Variants in IREB2 observed in about 807,000 individuals in gnomAD.
IREB2 encodes the protein iron responsive element binding protein 2, also known as iron-responsive element-binding protein 2.
A neutral mutation model predicts 118.8 loss-of-function variants in IREB2; 39 were observed. The observed-to-expected ratio is 0.33, with a 90% CI of 0.25 to 0.43. The LOEUF (loss-of-function observed/expected upper bound fraction) is 0.43, where lower values mean the gene tolerates loss of function less well. Among genes scored for constraint, IREB2 ranks in the 20% least tolerant of loss-of-function variants. The pLI is 1.00. For missense variants in IREB2, 900 were observed against 1,147.3 expected, an observed-to-expected ratio of 0.78 and a Z score of 3.11; for synonymous variants, 372 against 392.2, an observed-to-expected ratio of 0.95 and a Z score of 0.61.
rs186034439 is a variant in IREB2, at chr15:78,441,101, G to T, written c.106+1220G>T. ...TTATTTAATTAAGACGATTGTTCTTGTGATTTTTCTGTAGATTTTGAGGAA... is the reference window on the plus strand; with the variant it reads ...TTATTTAATTAAGACGATTGTTCTTTTGATTTTTCTGTAGATTTTGAGGAA... On this transcript the variant is annotated intron_variant, in intron 2 of 21. Coordinates refer to ENST00000258886, the MANE Select transcript of IREB2 (RefSeq NM_004136.4). Among the ~76,000 whole-genome samples, 228 of 152,266 alleles carry T rather than the reference G, an allele frequency of 1.5e-3. 1 individual carries two copies. Among genetic ancestry groups the T allele is most frequent in the African/African-American group, 5.2e-3 (218 of 41,550 alleles).
intron 16 of IREB2, among the ~76,000 whole-genome samples, chr15:78,489,570 G>A (rs1486137150): frequency 1.3e-5 from 2 of 152,134 alleles, no homozygotes; most frequent in Admixed American, 1.3e-4. Context: ...AGGCTGGAGT[G>A]CAGTGGCCTG....
At chr15:78,468,706 C>G (rs1054099935) in intron 5 of IREB2, among the ~76,000 whole-genome samples, 1 of 152,144 alleles carries the variant, frequency 6.6e-6, no homozygotes, top group Non-Finnish European at 1.5e-5. Flanking sequence ...CAAATTCTGT[C>G]TAGTTCTAAA....
chr15:78,447,557 C>T (rs2050951560), intron 2 of IREB2, among the ~76,000 whole-genome samples: 1 of 152,114 alleles, frequency 6.6e-6, no homozygotes, highest in Non-Finnish European at 1.5e-5. Context: ...TCTCAAACTC[C>T]TGACCTCAGA....
intron 5 of IREB2, among the ~76,000 whole-genome samples, chr15:78,469,294 A>G (rs1249678147): frequency 1.3e-5 from 2 of 152,204 alleles, no homozygotes; most frequent in Non-Finnish European, 2.9e-5. Context: ...CATAAGTGCT[A>G]TTGAAAGGTA....
rs775724355 is a variant in IREB2, at chr15:78,498,039, A to G, written c.2788A>G (p.Thr930Ala). The change falls in exon 22 of 22, where the codon ACT becomes GCT. Residue 930 changes from threonine to alanine, a missense_variant. Transcript: ENST00000258886. ...TGTTTTTGCTCCTTTCAAGACAAGC[A>G]CTGGAAAAGTATTCAGCGTGATTGC... is the stretch of plus-strand genomic sequence containing the variant. ...PGITLNIQTS[T>A]GKVFSVIASF... 5.0e-6 allele frequency: 8 copies of G among 1,603,544 alleles called. No homozygotes were observed. The South Asian group carries it at 8.8e-5, about 18-fold the overall frequency.
intron 1 of IREB2, chr15:78,438,780 C>T: frequency 4.0e-6 from 1 of 249,774 alleles, no homozygotes; most frequent in Non-Finnish European, 8.0e-6. Context: ...GATGTTGATT[C>T]CACGGTCCAG....
chr15:78,471,385 T>C (rs2051373967), intron 6 of IREB2, among the ~76,000 whole-genome samples: 1 of 152,196 alleles, frequency 6.6e-6, no homozygotes, highest in African/African-American at 2.4e-5. Flanking sequence ...GGAAACCCTA[T>C]TGTGTAGAGA....
intron 2 of IREB2, among the ~76,000 whole-genome samples, chr15:78,455,064 C>T (rs184685302): frequency 8.2e-4 from 125 of 151,776 alleles, no homozygotes; most frequent in Middle Eastern, 3.4e-3. Flanking sequence ...GCTGCGGGGA[C>T]GGGGTGAAAA....
chr15:78,468,723 G>A (rs945020587), intron 5 of IREB2, among the ~76,000 whole-genome samples: 2 of 151,842 alleles, frequency 1.3e-5, no homozygotes, highest in African/African-American at 4.8e-5. Flanking sequence ...TAAAATATTG[G>A]GCTTAATATT....
At chr15:78,492,708 G>A (rs574926121) in intron 18 of IREB2, among the ~76,000 whole-genome samples, 12 of 151,910 alleles carry the variant, frequency 7.9e-5, no homozygotes, top group African/African-American at 2.7e-4. Context: ...CTACAGGCTC[G>A]CACCGTCATG....
Position 78,471,763 on chromosome 15 carries a change from A to G in IREB2, c.722A>G (p.Asn241Ser). 2 of 1,609,102 alleles carry G rather than the reference A, an allele frequency of 1.2e-6. No individual in the cohort carries two copies. The highest frequency in any genetic ancestry group is 2.7e-5 in the African/African-American group (2 of 74,868). The change falls in exon 7 of 22, where the codon AAT becomes AGT. Residue 241 changes from asparagine to serine, a missense_variant. Asn to Ser is a conservative substitution (Grantham distance 46). Transcript: ENST00000258886. ...TAGTGGAGTTCAAGAGTTTTTAAGA[A>G]TGTGGCAGTGATCCCTCCTGGAACT... ...FFKWSSRVFK[N>S]VAVIPPGTGM...
At chr15:78,488,099 A>G in intron 14 of IREB2, 81 bp from the exon 15 acceptor site, 1 of 1,352,560 alleles carries the variant, frequency 7.4e-7, no homozygotes, top group Non-Finnish European at 1.0e-6. Context: ...TCAGACTTTA[A>G]GATTGCTTAT....
chr15:78,485,858 C>G lies in IREB2; in HGVS notation c.1709+18C>G. The G allele has an allele frequency of 6.2e-7, 1 of 1,607,298 alleles. No homozygotes were observed. Among genetic ancestry groups the G allele is most frequent in the Non-Finnish European group, 8.5e-7 (1 of 1,174,906 alleles). ...AAGCTTGGGTAAGTAACAGCTATCG[C>G]ACTTCATATTGATATTGGTGTTCAG... On this transcript the variant is annotated intron_variant, in intron 13 of 21. Transcript: ENST00000258886.
chr15:78,461,916 G>T (rs1180397815), intron 2 of IREB2, among the ~76,000 whole-genome samples: 2 of 152,046 alleles, frequency 1.3e-5, no homozygotes, highest in African/African-American at 4.8e-5. Flanking sequence ...TACCAAAAAG[G>T]TACTCCCAAT....
At chr15:78,488,939 G>A (rs1245973033) in intron 16 of IREB2, among the ~76,000 whole-genome samples, 168 bp downstream of exon 16, 2 of 152,212 alleles carry the variant, frequency 1.3e-5, no homozygotes, top group Admixed American at 1.3e-4. Context: ...GAAAATGGCG[G>A]CTGGGCACAG....
intron 20 of IREB2, among the ~76,000 whole-genome samples, chr15:78,495,270 A>G (rs1444078496): frequency 6.6e-6 from 1 of 152,214 alleles, no homozygotes; most frequent in African/African-American, 2.4e-5. Flanking sequence ...TCCTTCTAAG[A>G]TACTAATTAT....
chr15:78,462,044 T>C (rs1293038371), intron 2 of IREB2, among the ~76,000 whole-genome samples: 1 of 152,180 alleles, frequency 6.6e-6, no homozygotes, highest in African/African-American at 2.4e-5. Context: ...ATATTTCTCA[T>C]AATACACATT....
At chr15:78,462,540 T>A (rs2051214390) in intron 2 of IREB2, among the ~76,000 whole-genome samples, 1 of 152,202 alleles carries the variant, frequency 6.6e-6, no homozygotes, top group African/African-American at 2.4e-5. Context: ...ATCATTTTCT[T>A]TTTGCCATAC....
At chr15:78,444,693 A>T (rs755923947) in intron 2 of IREB2, among the ~76,000 whole-genome samples, 11 of 152,322 alleles carry the variant, frequency 7.2e-5, no homozygotes, top group Non-Finnish European at 1.0e-4. Flanking sequence ...TTTTATGTGT[A>T]TACAAAAATA....
Sources: gnomAD v4.1 joint callset for allele counts (sites outside exome capture counted in the v4.1 genomes callset) on GRCh38, gnomAD v4.1.1 for gene constraint, MANE v1.5 for transcripts, NCBI Gene and HGNC (gene_info 2026-07-23, HGNC 2026-07-21) for gene names.